WDCP: variants seen among roughly 807,000 people sequenced by gnomAD.
The protein encoded by WDCP is WD repeat and coiled-coil-containing protein.
In WDCP, 19 loss-of-function variants were observed where a neutral mutation model predicts 41.6. The ratio of observed to expected loss-of-function variants is 0.46; its 90% CI spans 0.32 to 0.67. The LOEUF is 0.67. Ranked by LOEUF, WDCP falls within the 30% of genes least tolerant of loss-of-function variation. The pLI is 0.04. For synonymous variants in WDCP, 302 were observed against 320.8 expected (o/e 0.94, Z 0.63); for missense variants, 802 against 850.7 (o/e 0.94, Z 0.71).
Position 24,031,064 on chromosome 2 carries a change from T to A in WDCP, c.2035A>T (p.Arg679Trp). Residue 679 changes from arginine to tryptophan, a missense_variant, in exon 4 of 4, where the codon AGG becomes TGG. Coordinates refer to ENST00000295148, the MANE Select transcript of WDCP (RefSeq NM_025203.3). ...AAAGAGTCTCTGAAGACATCTGACCTGGACAGGCTGCCATCTCTTATGATT... is the reference window on the plus strand; with the variant it reads ...AAAGAGTCTCTGAAGACATCTGACCAGGACAGGCTGCCATCTCTTATGATT... The part of the protein sequence containing the change: ...EIIIRDGSLS[R>W]SDVFRDSFSH... 1 of 1,614,196 alleles carries A rather than the reference T, an allele frequency of 6.2e-7. No homozygotes were observed. Among genetic ancestry groups the A allele is most frequent in the South Asian group, 1.1e-5 (1 of 91,076 alleles).
At position 24,038,073 on chromosome 2, in the gene WDCP, T is replaced by G. The variant is rs184527844; in HGVS notation, c.1422A>C (p.Gln474His). The G allele has an allele frequency of 2.4e-5, 38 of 1,614,032 alleles. No individual in the cohort carries two copies. The East Asian group carries it at 8.5e-4, about 36-fold the overall frequency. The change falls in exon 2 of 4, where the codon CAA (glutamine) becomes CAC (histidine). Residue 474 changes from glutamine to histidine, a missense_variant. Gln to His is a conservative substitution (Grantham distance 24). Around this residue, in one of 5 missense-constraint regions of WDCP, gnomAD observed 321 missense variants for 305.1 expected, o/e 1.05. Coordinates refer to ENST00000295148, the MANE Select transcript of WDCP (RefSeq NM_025203.3). ...TAACTGTCAGCAACAGCCCTTTGTTTTGGTGACAAAAATCTGGGGAAAGAC... is the reference window on the plus strand; with the variant it reads ...TAACTGTCAGCAACAGCCCTTTGTTGTGGTGACAAAAATCTGGGGAAAGAC... ...IESLSPDFCH[Q>H]NKGLLLTVNT...
In WDCP at chr2:24,039,314, AG is replaced by A; in HGVS notation, c.180del (p.Cys61ValfsTer41). On this transcript the variant is annotated frameshift_variant, in exon 2 of 4. Transcript: ENST00000295148. LOFTEE classifies it high-confidence loss of function. ...ACAGGTGGGGCCCAGGACAACCCAC[AG>A]ACACATTCAAACTGTCCAATGACTT... Reference protein sequence around the residue: ...DSKVIGQFECVCGLSWAPPVA... With the variant: ...DSKVIGQFECXCGLSWAPPVA... 6.2e-7 allele frequency: 1 copy of A among 1,614,234 alleles called. No homozygotes were observed. Among genetic ancestry groups the A allele is most frequent in the Non-Finnish European group, 8.5e-7 (1 of 1,180,036 alleles).
chr2:24,041,585 C>T (rs1484050788), intron 1 of WDCP, among the ~76,000 whole-genome samples: 1 of 151,860 alleles, frequency 6.6e-6, no homozygotes, highest in Non-Finnish European at 1.5e-5. Context: ...ACACCCATTA[C>T]ACCCAAAGTG....
chr2:24,039,085 G>A lies in WDCP; in HGVS notation c.410C>T (p.Ser137Phe). 6.2e-7 allele frequency: 1 copy of A among 1,614,182 alleles called. No individual in the cohort carries two copies. Among genetic ancestry groups the A allele is most frequent in the Non-Finnish European group, 8.5e-7 (1 of 1,180,038 alleles). The change falls in exon 2 of 4, where the codon TCC becomes TTC. Residue 137 changes from serine (S) to phenylalanine (F), a missense_variant. This residue lies in a region of WDCP where 214 missense variants were observed against 252.9 expected (regional missense o/e 0.85). Coordinates refer to ENST00000295148, the MANE Select transcript of WDCP (RefSeq NM_025203.3). ...ILTVLTAQDV[S>F]IFPNVHSDDS... ...ATCAGAGTGAACATTAGGGAAAATG[G>A]AGACATCCTGAGCAGTCAACACAGT...
In WDCP at chr2:24,038,652, T is replaced by C. The variant is rs773599155; in HGVS notation, c.843A>G (p.Glu281=). 6.2e-7 allele frequency: 1 copy of C among 1,614,154 alleles called. No individual in the cohort carries two copies. The highest frequency in any genetic ancestry group is 2.2e-5 in the East Asian group (1 of 44,890). ...AATGTATGTGAGTTAGATCCAGAGG[T>C]TCTAAATAGGAAGAAGAAACTGATA... ...SEVSVSSSYL[E]PLDLTHIHFN... is the part of the protein sequence containing the mutation. Residue 281 remains glutamate (E), a synonymous_variant, in exon 2 of 4, where the codon GAA becomes GAG. Transcript: ENST00000295148.
Position 24,030,717 on chromosome 2 carries a change from T to C in WDCP, c.*216A>G. ...TCAAAACCACACAGTCATGAATACA[T>C]AAACACCACTTTCGGAGCCATCTAA... On this transcript the variant is annotated 3_prime_UTR_variant, in exon 4 of 4. Transcript: ENST00000295148. 1.8e-6 allele frequency: 1 copy of C among 542,542 alleles called. No individual in the cohort carries two copies. Among genetic ancestry groups the C allele is most frequent in the East Asian group, 3.0e-5 (1 of 33,624 alleles). The allele number at this position is 542,542 out of a possible 1,614,324, so 33.6% of individuals were successfully genotyped here.
In WDCP at chr2:24,038,963, T is replaced by C. The variant is rs1037806808; in HGVS notation, c.532A>G (p.Ser178Gly). The part of the protein sequence containing the change: ...GLRLVVAVGS[S>G]LHSYIWDSAQ... ...CTGTCCCAAATATAAGAATGCAGGC[T>C]GCTGCCTACTGCCACCACCAGCCTC... Residue 178 changes from serine to glycine, a missense_variant, in exon 2 of 4, where the codon AGC becomes GGC. By Grantham distance (56) the Ser-to-Gly change is moderately conservative. This residue lies in a region of WDCP where 214 missense variants were observed against 252.9 expected (regional missense o/e 0.85). Transcript: ENST00000295148. The C allele has an allele frequency of 3.1e-6, 5 of 1,614,098 alleles. No homozygotes were observed. The African/African-American group carries it at 5.3e-5, about 17-fold the overall frequency.
Position 24,037,669 on chromosome 2 carries a change from G to T in WDCP, c.1818+8C>A. On this transcript the variant is annotated splice_region_variant and intron_variant, in intron 2 of 3. Coordinates refer to ENST00000295148, the MANE Select transcript of WDCP (RefSeq NM_025203.3). ...TGTATAGTGGTAGTTCCTCAAAGGA[G>T]AATTTACCTGGTAAATGATGTGAAC... 6.2e-7 allele frequency: 1 copy of T among 1,600,816 alleles called. No homozygotes were observed. The highest frequency in any genetic ancestry group is 1.7e-5 in the Admixed American group (1 of 58,386).
intron 1 of WDCP, among the ~76,000 whole-genome samples, chr2:24,045,381 CA>C (rs1208446783): frequency 2.0e-5 from 3 of 151,920 alleles, no homozygotes; most frequent in African/African-American, 7.3e-5. Context: ...GCAGGTGGAT[CA>C]TCTGAGGTCA....
rs768792986 is a variant in WDCP, at chr2:24,031,159, G to T, written c.1940C>A (p.Ser647Tyr). ...GLSLIEMLHD[S>Y]HWILLSADSE... Reference sequence around the variant, plus strand: ...GTCAGCAGAGAGAAGAATCCAGTGGGAATCTGCAAATAAAAATAAATACAC... The same window carrying T: ...GTCAGCAGAGAGAAGAATCCAGTGGTAATCTGCAAATAAAAATAAATACAC... The change falls in exon 4 of 4, where the codon TCC becomes TAC. Residue 647 changes from serine to tyrosine, a missense_variant. Physicochemically the swap from Ser to Tyr is moderately radical, Grantham distance 144 (BLOSUM62 -2). This residue lies in a region of WDCP where 321 missense variants were observed against 305.1 expected (regional missense o/e 1.05). Transcript: ENST00000295148. 6.2e-7 allele frequency: 1 copy of T among 1,607,382 alleles called. No individual in the cohort carries two copies. The highest frequency in any genetic ancestry group is 1.1e-5 in the South Asian group (1 of 90,368).
intron 3 of WDCP, among the ~76,000 whole-genome samples, chr2:24,032,538 G>A (rs1663125723): frequency 1.3e-5 from 2 of 152,166 alleles, no homozygotes; most frequent in South Asian, 2.1e-4. Context: ...AAACTTGGCT[G>A]GGCATGGTAG....
intron 2 of WDCP, among the ~76,000 whole-genome samples, chr2:24,034,794 C>T (rs375856030): frequency 1.3e-5 from 2 of 151,860 alleles, no homozygotes; most frequent in African/African-American, 2.4e-5. Flanking sequence ...AGGCTGGTCT[C>T]GAACTCCTGG....
chr2:24,038,616 A>G lies in WDCP; in HGVS notation c.879T>C (p.His293=). The G allele has an allele frequency of 6.2e-7, 1 of 1,614,154 alleles. No individual in the cohort carries two copies. Among genetic ancestry groups the G allele is most frequent in the Non-Finnish European group, 8.5e-7 (1 of 1,179,990 alleles). ...LDLTHIHFNQ[H]KSEGNSLICL... ...AAATAAGAGAATTACCCTCAGACTT[A>G]TGTTGATTGAAATGTATGTGAGTTA... Residue 293 remains histidine (H), a synonymous_variant, in exon 2 of 4, where the codon CAT becomes CAC. Coordinates refer to ENST00000295148, the MANE Select transcript of WDCP (RefSeq NM_025203.3).
chr2:24,045,006 C>T (rs1663567716), intron 1 of WDCP, among the ~76,000 whole-genome samples: 1 of 152,064 alleles, frequency 6.6e-6, no homozygotes, highest in Non-Finnish European at 1.5e-5. Flanking sequence ...AAAGGGCATG[C>T]TGAGGAATTT....
Position 24,038,142 on chromosome 2 carries a change from GAAAGT to G in WDCP, c.1348_1352del (p.Thr450GlnfsTer6). On this transcript the variant is annotated frameshift_variant, in exon 2 of 4. Transcript: ENST00000295148. LOFTEE classifies it high-confidence loss of function. ...TATTTGCTTTATTTAACGGAGCACTGAAAGTAGAGTAGGTAGTCTGGCTTTCACCT... is the reference window on the plus strand; with the variant it reads ...TATTTGCTTTATTTAACGGAGCACTGAGAGTAGGTAGTCTGGCTTTCACCT... 6.2e-7 allele frequency: 1 copy of G among 1,614,204 alleles called. No individual in the cohort carries two copies. Among genetic ancestry groups the G allele is most frequent in the Non-Finnish European group, 8.5e-7 (1 of 1,180,030 alleles).
chr2:24,038,324 TCC>T lies in WDCP; in HGVS notation c.1169_1170del (p.Gly390AspfsTer20), dbSNP rs36061883. On this transcript the variant is annotated frameshift_variant, in exon 2 of 4. Coordinates refer to ENST00000295148, the MANE Select transcript of WDCP (RefSeq NM_025203.3). LOFTEE classifies it high-confidence loss of function. The part of the protein sequence containing the change: ...IRLENTERPK[G>X]ICFLTDQLLL... ...AATAGTTGGTCTGTCAAGAAACATA[TCC>T]CTTTTGGTCTTTCAGTGTTCTCTAA... 1 of 1,614,118 alleles carries T rather than the reference TCC, an allele frequency of 6.2e-7. No homozygotes were observed. The highest frequency in any genetic ancestry group is 8.5e-7 in the Non-Finnish European group (1 of 1,180,046).
chr2:24,040,193 G>T (rs564547578), intron 1 of WDCP, among the ~76,000 whole-genome samples: 91 of 152,182 alleles, frequency 6.0e-4, no homozygotes, highest in Middle Eastern at 3.4e-3. Context: ...AGCACTTGGG[G>T]TAAAATGTCA....
At position 24,038,963 on chromosome 2, in the gene WDCP, T is replaced by G; in HGVS notation, c.532A>C (p.Ser178Arg). 1.2e-6 allele frequency: 2 copies of G among 1,614,216 alleles called. No homozygotes were observed. Among genetic ancestry groups the G allele is most frequent in the Non-Finnish European group, 1.7e-6 (2 of 1,180,034 alleles). ...CTGTCCCAAATATAAGAATGCAGGCTGCTGCCTACTGCCACCACCAGCCTC... is the reference window on the plus strand; with the variant it reads ...CTGTCCCAAATATAAGAATGCAGGCGGCTGCCTACTGCCACCACCAGCCTC... The part of the protein sequence containing the change: ...GLRLVVAVGS[S>R]LHSYIWDSAQ... Residue 178 changes from serine to arginine, a missense_variant, in exon 2 of 4, where the codon AGC becomes CGC. Coordinates refer to ENST00000295148, the MANE Select transcript of WDCP (RefSeq NM_025203.3).
intron 2 of WDCP, among the ~76,000 whole-genome samples, chr2:24,035,859 A>G (rs1663233452): frequency 6.6e-6 from 1 of 151,826 alleles, no homozygotes; most frequent in Non-Finnish European, 1.5e-5. Flanking sequence ...TCACAAGGTC[A>G]GGAGATTGAG....
Sources: allele counts gnomAD v4.1 joint callset (sites outside exome capture counted in the v4.1 genomes callset), GRCh38; gene constraint gnomAD v4.1.1; regional missense constraint gnomAD v4.1.1; transcripts MANE v1.5; gene names NCBI Gene and HGNC (gene_info 2026-07-23, HGNC 2026-07-21).